EGLN1: variants seen among roughly 807,000 people sequenced by gnomAD.
EGLN1 encodes egl nine homolog 1.
A neutral mutation model predicts 38.3 loss-of-function variants in EGLN1; 17 were observed. The ratio of observed to expected loss-of-function variants is 0.44; its 90% CI spans 0.30 to 0.67. EGLN1 has a LOEUF of 0.67. Ranked by LOEUF, EGLN1 falls within the 30% of genes least tolerant of loss-of-function variation. The pLI, the probability that EGLN1 is intolerant of heterozygous loss-of-function variation, is 0.08. For synonymous variants in EGLN1, 283 were observed against 257.5 expected, an observed-to-expected ratio of 1.10 and a Z score of -0.95; for missense variants, 477 against 603.3, an observed-to-expected ratio of 0.79 and a Z score of 2.19.
intron 1 of EGLN1, among the ~76,000 whole-genome samples, chr1:231,402,163 CTCT>C (rs1415510642): frequency 5.3e-5 from 8 of 151,990 alleles, no homozygotes; most frequent in African/African-American, 1.4e-4. Flanking sequence ...TGGGTTGTTT[CTCT>C]TCTTCTTATT....
chr1:231,372,199 A>G (rs997421946), intron 2 of EGLN1, among the ~76,000 whole-genome samples: 3 of 152,228 alleles, frequency 2.0e-5, no homozygotes, highest in Non-Finnish European at 2.9e-5. Context: ...CTGTCTTGAC[A>G]CTTTGCATAA....
At chr1:231,372,034 T>C (rs1285619757) in intron 2 of EGLN1, among the ~76,000 whole-genome samples, 2 of 152,130 alleles carry the variant, frequency 1.3e-5, no homozygotes, top group Non-Finnish European at 2.9e-5. Context: ...TGAGAACATG[T>C]CTTCTTTCCT....
chr1:231,406,284 A>G (rs1056747301), intron 1 of EGLN1, among the ~76,000 whole-genome samples: 5 of 152,126 alleles, frequency 3.3e-5, no homozygotes, highest in Non-Finnish European at 7.3e-5. Context: ...GGTTAAAAGG[A>G]CAAGAGGAAA....
intron 1 of EGLN1, among the ~76,000 whole-genome samples, chr1:231,384,594 G>C (rs137989090): frequency 3.9e-5 from 6 of 152,190 alleles, no homozygotes; most frequent in African/African-American, 1.4e-4. Flanking sequence ...GGGTCAGTGT[G>C]ACTGGAGAGG....
chr1:231,367,265 T>G (rs1687674476), intron 4 of EGLN1, among the ~76,000 whole-genome samples: 1 of 152,194 alleles, frequency 6.6e-6, no homozygotes, highest in Non-Finnish European at 1.5e-5. Context: ...CATATGGCCG[T>G]TACCTAGAGT....
At chr1:231,393,077 G>C (rs1031222154) in intron 1 of EGLN1, among the ~76,000 whole-genome samples, 6 of 152,292 alleles carry the variant, frequency 3.9e-5, no homozygotes, top group Non-Finnish European at 8.8e-5. Flanking sequence ...CTTTCTGTAT[G>C]TATCTCCATG....
At position 231,370,542 on chromosome 1, in the gene EGLN1, T is replaced by C. The variant is rs781208436; in HGVS notation, c.1148+20A>G. 6.2e-7 allele frequency: 1 copy of C among 1,612,902 alleles called. No individual in the cohort carries two copies. Among genetic ancestry groups the C allele is most frequent in the Non-Finnish European group, 8.5e-7 (1 of 1,179,992 alleles). ...GTCCTACCATACTCTAAACCAATTT[T>C]TTCTGAAAAGGAATACTACCTTGTA... On this transcript the variant is annotated intron_variant, in intron 3 of 4. Coordinates refer to ENST00000366641, the MANE Select transcript of EGLN1 (RefSeq NM_022051.3).
At chr1:231,373,806 A>T (rs1352812230) in intron 2 of EGLN1, among the ~76,000 whole-genome samples, 174 bp downstream of exon 2, 1 of 152,178 alleles carries the variant, frequency 6.6e-6, no homozygotes, top group Admixed American at 6.5e-5. Context: ...TATAACATAG[A>T]GTAGTATTTG....
At chr1:231,386,685 C>T (rs1383374326) in intron 1 of EGLN1, among the ~76,000 whole-genome samples, 2 of 152,140 alleles carry the variant, frequency 1.3e-5, no homozygotes, top group Admixed American at 6.5e-5. Flanking sequence ...CAAACACAGG[C>T]ACTCAAATAT....
chr1:231,403,767 CAAA>C (rs1167705317), intron 1 of EGLN1, among the ~76,000 whole-genome samples: 2 of 18,302 alleles, frequency 1.1e-4, no homozygotes, highest in Non-Finnish European at 2.6e-4. Flanking sequence ...GACTCCATCT[CAAA>C]AAAAAAAAAA....
intron 1 of EGLN1, among the ~76,000 whole-genome samples, chr1:231,382,372 C>T (rs1688097826): frequency 1.3e-5 from 2 of 152,012 alleles, no homozygotes; most frequent in African/African-American, 4.8e-5. Flanking sequence ...AAGCCCAAGA[C>T]TGGATATAAA....
chr1:231,417,553 CATT>C (rs1251640201), intron 1 of EGLN1, among the ~76,000 whole-genome samples: 1 of 152,044 alleles, frequency 6.6e-6, no homozygotes, highest in Non-Finnish European at 1.5e-5. Flanking sequence ...TACTGCATAT[CATT>C]GAGACTCTTC....
intron 1 of EGLN1, among the ~76,000 whole-genome samples, chr1:231,394,768 T>C (rs535683959): frequency 6.6e-6 from 1 of 152,200 alleles, no homozygotes; most frequent in East Asian, 1.9e-4. Flanking sequence ...AAGCAAAAAC[T>C]TCCTCAACTT....
In EGLN1 at chr1:231,420,934, G is replaced by C. The variant is rs537657961; in HGVS notation, c.891+64C>G. The C allele has an allele frequency of 3.7e-6, 6 of 1,613,238 alleles. No individual in the cohort carries two copies. The African/African-American group carries it at 8.0e-5, about 22-fold the overall frequency. The stretch of plus-strand genomic sequence containing the variant: ...CTGCTTCTCAGCCTAGGCAGTTTCA[G>C]TCGCAGGCAGGGGCTGCCCGCCGAG... On this transcript the variant is annotated intron_variant, in intron 1 of 4. Transcript: ENST00000366641.
In EGLN1 at chr1:231,366,322, T is replaced by C. The variant is rs1687642856; in HGVS notation, c.*89A>G. 5 of 1,445,644 alleles carry C rather than the reference T, an allele frequency of 3.5e-6. No individual in the cohort carries two copies. Among genetic ancestry groups the C allele is most frequent in the Non-Finnish European group, 4.8e-6 (5 of 1,034,294 alleles). 89.6% of individuals were successfully genotyped at this position (1,445,644 alleles called of 1,614,324 possible). A position where few individuals can be genotyped will look rare whatever the true frequency, so the allele number is the denominator to read the frequency against. On this transcript the variant is annotated 3_prime_UTR_variant, in exon 5 of 5. Coordinates refer to ENST00000366641, the MANE Select transcript of EGLN1 (RefSeq NM_022051.3). The stretch of plus-strand genomic sequence containing the variant: ...TATTAAAATGCGAACTGGTTGTCTA[T>C]TTTTCTTTATCCCATTTATTCGTAT...
chr1:231,367,530 T>C (rs1341547545), intron 4 of EGLN1, 39 bp downstream of exon 4: 3 of 1,599,544 alleles, frequency 1.9e-6, no homozygotes, highest in South Asian at 1.1e-5. Context: ...TTGCAGGGTA[T>C]TTCTGTACCA....
chr1:231,392,377 T>C, intron 1 of EGLN1, among the ~76,000 whole-genome samples: 1 of 152,324 alleles, frequency 6.6e-6, no homozygotes, highest in Middle Eastern at 3.4e-3. Flanking sequence ...TTTTCCACTA[T>C]AATACTTAAA....
intron 1 of EGLN1, among the ~76,000 whole-genome samples, chr1:231,388,481 C>T (rs898338281): frequency 1.3e-5 from 2 of 151,978 alleles, no homozygotes; most frequent in African/African-American, 2.4e-5. Context: ...GTCTCTGTCT[C>T]GCTCTCTGTC....
At chr1:231,413,995 G>A (rs1367347441) in intron 1 of EGLN1, among the ~76,000 whole-genome samples, 2 of 152,166 alleles carry the variant, frequency 1.3e-5, no homozygotes, top group Non-Finnish European at 2.9e-5. Flanking sequence ...CAGAAAAGTT[G>A]AGTTTTGACT....
Sources: allele counts gnomAD v4.1 joint callset (sites outside exome capture counted in the v4.1 genomes callset), GRCh38; gene constraint gnomAD v4.1.1; transcripts MANE v1.5; gene names NCBI Gene and HGNC (gene_info 2026-07-23, HGNC 2026-07-21).